The following LYN variants were observed in gnomAD, a reference collection of about 807,000 sequenced individuals.
LYN encodes the protein LYN proto-oncogene, Src family tyrosine kinase, also known as tyrosine-protein kinase Lyn.
Under a neutral mutation model 65.0 loss-of-function variants are expected in LYN, and 12 were observed. The observed-to-expected ratio is 0.18, with a 90% CI of 0.12 to 0.30. LYN has a LOEUF of 0.30. LYN is among the 10% of genes least tolerant of loss of function. The probability of loss-of-function intolerance (pLI) is 1.00; values close to 1 mark genes in which losing one functional copy is unlikely to be tolerated. For missense variants in LYN, 380 were observed against 623.2 expected, an observed-to-expected ratio of 0.61 and a Z score of 4.16; for synonymous variants, 222 against 221.2, an observed-to-expected ratio of 1.00 and a Z score of -0.03.
intron 1 of LYN, among the ~76,000 whole-genome samples, chr8:55,896,987 G>T (rs1805127225): frequency 6.6e-6 from 1 of 152,146 alleles, no homozygotes; most frequent in African/African-American, 2.4e-5. Flanking sequence ...TGATCCGCCT[G>T]CCTTGGCCTC....
chr8:55,932,413 T>TTTG (rs1554578305), intron 1 of LYN, among the ~76,000 whole-genome samples: 1 of 150,892 alleles, frequency 6.6e-6, no homozygotes, highest in African/African-American at 2.4e-5. Context: ...TATATATATT[T>TTTG]TTTGTTTGTT....
intron 1 of LYN, among the ~76,000 whole-genome samples, chr8:55,903,235 C>T (rs1371453954): frequency 6.6e-6 from 1 of 152,172 alleles, no homozygotes; most frequent in African/African-American, 2.4e-5. Context: ...TCAAGTGATT[C>T]GCCCACCTCA....
intron 1 of LYN, among the ~76,000 whole-genome samples, chr8:55,922,562 G>A (rs909096556): frequency 2.0e-5 from 3 of 152,084 alleles, no homozygotes; most frequent in Non-Finnish European, 4.4e-5. Flanking sequence ...ATTCTCAAGA[G>A]TTCAAGACCA....
At chr8:55,973,319 T>G (rs948813368) in intron 10 of LYN, among the ~76,000 whole-genome samples, 4 of 152,138 alleles carry the variant, frequency 2.6e-5, no homozygotes, top group African/African-American at 9.7e-5. Context: ...TAATCCACAC[T>G]CTCCAACCAT....
intron 12 of LYN, among the ~76,000 whole-genome samples, chr8:56,003,781 C>T (rs915346581): frequency 4.6e-5 from 7 of 151,778 alleles, no homozygotes; most frequent in African/African-American, 1.7e-4. Context: ...AAGGCAAACT[C>T]ATTTTTAGAG....
At chr8:55,885,709 T>C (rs926632122) in intron 1 of LYN, among the ~76,000 whole-genome samples, 1 of 152,216 alleles carries the variant, frequency 6.6e-6, no homozygotes, top group Non-Finnish European at 1.5e-5. Flanking sequence ...AGAGAGGCTC[T>C]CTGGAGAGGG....
rs373111858 is a variant in LYN, at chr8:55,918,919, C to T, written c.-5-22936C>T. On this transcript the variant is annotated intron_variant, in intron 1 of 12. Coordinates refer to ENST00000519728, the MANE Select transcript of LYN (RefSeq NM_002350.4). ...GGTGGACTTCAGCAGCGAGAATGGG[C>T]TGGGTGCAGTGGCTCACAGCTGTAA... Among the ~76,000 whole-genome samples the T allele has an allele frequency of 2.0e-4, 29 of 146,780 alleles. No individual in the cohort carries two copies. The East Asian group carries it at 3.8e-3, about 19-fold the overall frequency.
In LYN at chr8:55,986,654, C is replaced by A. The variant is rs576750409; in HGVS notation, c.1051-11692C>A. ...TCCACCAGCCCTAAGCTTGGATATG[C>A]CAAACACTGCCTCATCTTTGAGCTA... On this transcript the variant is annotated intron_variant, in intron 10 of 12. Transcript: ENST00000519728. Among the ~76,000 whole-genome samples, 3 of 152,282 alleles carry A rather than the reference C, an allele frequency of 2.0e-5. No individual in the cohort carries two copies. The South Asian group carries it at 6.2e-4, about 32-fold the overall frequency.
chr8:56,009,871 C>T (rs775354251), intron 12 of LYN, 37 bp from the exon 13 acceptor site: 1 of 1,575,634 alleles, frequency 6.3e-7, no homozygotes, highest in Non-Finnish European at 8.7e-7. Flanking sequence ...TTCTAAACGG[C>T]ATGGGTTTCT....
chr8:55,929,033 C>T (rs72651484), intron 1 of LYN, among the ~76,000 whole-genome samples: 17,154 of 151,972 alleles, frequency 0.11, 1,242 homozygotes, highest in Middle Eastern at 0.29. Context: ...GTTCCAGTAC[C>T]ACTTATTGAA....
intron 1 of LYN, among the ~76,000 whole-genome samples, chr8:55,904,509 C>A (rs1300330671): frequency 6.6e-6 from 1 of 152,118 alleles, no homozygotes; most frequent in Non-Finnish European, 1.5e-5. Context: ...TTCCAGTCCC[C>A]ACCCTTTAAT....
At chr8:55,919,022 CAAAAAAAAAAAAA>C (rs35663372) in intron 1 of LYN, among the ~76,000 whole-genome samples, 1 of 62,756 alleles carries the variant, frequency 1.6e-5, no homozygotes, top group Non-Finnish European at 2.8e-5. Context: ...CCTGTCTCTA[CAAAAAAAAAAAAA>C]AAAAAAAAAA....
intron 10 of LYN, among the ~76,000 whole-genome samples, chr8:55,974,357 T>TATATTTCCTCCTTAAAA (rs1162177576): frequency 5.9e-5 from 9 of 152,182 alleles, no homozygotes; most frequent in Non-Finnish European, 7.4e-5. Context: ...AAGATGGAGG[T>TATATTTCCTCCTTAAAA]TATGCTCAAG....
chr8:55,994,400 G>A (rs950519656), intron 10 of LYN, among the ~76,000 whole-genome samples: 1 of 152,154 alleles, frequency 6.6e-6, no homozygotes, highest in African/African-American at 2.4e-5. Context: ...TGGAAAAGAA[G>A]GCCAAAATAC....
chr8:55,981,395 GGAT>G (rs1344484351), intron 10 of LYN, among the ~76,000 whole-genome samples: 1 of 152,146 alleles, frequency 6.6e-6, no homozygotes, highest in Non-Finnish European at 1.5e-5. Context: ...AATGCTTGTT[GGAT>G]GACTATACTG....
intron 1 of LYN, among the ~76,000 whole-genome samples, chr8:55,920,362 T>A (rs189611666): frequency 1.3e-5 from 2 of 152,246 alleles, no homozygotes; most frequent in Non-Finnish European, 2.9e-5. Context: ...ATTTTGTTTG[T>A]GCAGAATGTC....
intron 10 of LYN, among the ~76,000 whole-genome samples, chr8:55,971,644 C>G (rs1388997233): frequency 2.0e-5 from 3 of 152,148 alleles, no homozygotes; most frequent in Non-Finnish European, 4.4e-5. Context: ...TGTACTGTAC[C>G]CGGAGAATGA....
At chr8:55,902,596 T>C in intron 1 of LYN, 1 of 295,504 alleles carries the variant, frequency 3.4e-6, no homozygotes, top group South Asian at 2.5e-5. Context: ...AATCAATATA[T>C]AGCATACAAA....
intron 1 of LYN, among the ~76,000 whole-genome samples, chr8:55,930,470 T>G (rs1213532773): frequency 6.6e-6 from 1 of 152,202 alleles, no homozygotes; most frequent in Non-Finnish European, 1.5e-5. Context: ...TAACTCTCCT[T>G]GGTTGGCTGG....
Sources: allele counts gnomAD v4.1 joint callset (sites outside exome capture counted in the v4.1 genomes callset), GRCh38; gene constraint gnomAD v4.1.1; transcripts MANE v1.5; gene names NCBI Gene and HGNC (gene_info 2026-07-23, HGNC 2026-07-21).